Variants in MT3 observed in about 807,000 individuals in gnomAD.
MT3 encodes metallothionein 3, also known as metallothionein-3.
A neutral mutation model predicts 10.9 loss-of-function variants in MT3; 8 were observed. The observed-to-expected ratio is 0.73, with a 90% CI of 0.43 to 1.33. The LOEUF (loss-of-function observed/expected upper bound fraction) is 1.33, where lower values mean the gene tolerates loss of function less well. MT3 is among the 40% of genes most tolerant of loss of function. The pLI, the probability that MT3 is intolerant of heterozygous loss-of-function variation, is 0.01. For synonymous variants in MT3, 32 were observed against 29.9 expected (o/e 1.07, Z -0.23); for missense variants, 75 against 83.9 (o/e 0.89, Z 0.41).
chr16:56,591,052 C>G lies in MT3; in HGVS notation c.*103C>G. The G allele has an allele frequency of 1.1e-6, 1 of 908,284 alleles. No individual in the cohort carries two copies. The highest frequency in any genetic ancestry group is 1.4e-5 in the South Asian group (1 of 69,794). The allele number at this position is 908,284 out of a possible 1,614,324, so 56.3% of individuals were successfully genotyped here. A position where few individuals can be genotyped will look rare whatever the true frequency, so the allele number is the denominator to read the frequency against. Reference sequence around the variant, plus strand: ...GCTGGTGTCCCCTTCCCCTGCTGACCTTGGAGGAATGACAATAAATCCCAT... The same window carrying G: ...GCTGGTGTCCCCTTCCCCTGCTGACGTTGGAGGAATGACAATAAATCCCAT... On this transcript the variant is annotated 3_prime_UTR_variant, in exon 3 of 3. Coordinates refer to ENST00000200691, the MANE Select transcript of MT3 (RefSeq NM_005954.4).
chr16:56,590,886 CTG>C lies in MT3; in HGVS notation c.151_152del (p.Cys51GlnfsTer7). 6.2e-7 allele frequency: 1 copy of C among 1,614,064 alleles called. No homozygotes were observed. ...PAECEKCAKDCVCKGGEAAEA... is the reference protein window; with the variant it reads ...PAECEKCAKDXVCKGGEAAEA... ...CGGAGTGTGAGAAGTGTGCCAAGGA[CTG>C]TGTGTGCAAAGGCGGAGAGGCAGCT... On this transcript the variant is annotated frameshift_variant, in exon 3 of 3. Transcript: ENST00000200691. LOFTEE classifies it high-confidence loss of function.
At chr16:56,590,033 C>A in intron 2 of MT3, 98 bp downstream of exon 2, 2 of 1,340,508 alleles carry the variant, frequency 1.5e-6, no homozygotes, top group Non-Finnish European at 2.1e-6. Context: ...AGGCCCCGAT[C>A]CCGTGGTTTC....
rs1959804034 is a variant in MT3, at chr16:56,590,058, A to G, written c.97+123A>G. ...CCCGTGGTTTCTGACTCTTGCTGGA[A>G]TAGAACCACCCGGGCAGACATTAAA... On this transcript the variant is annotated intron_variant, in intron 2 of 2. Transcript: ENST00000200691. 1.3e-5 allele frequency: 13 copies of G among 1,000,214 alleles called. No homozygotes were observed. In the East Asian group the frequency reaches 3.3e-4, roughly 25 times the overall value. The allele number at this position is 1,000,214 out of a possible 1,614,324, so 62.0% of individuals were successfully genotyped here.
rs576866408 is a variant in MT3, at chr16:56,589,994, C to T, written c.97+59C>T. ...CCCCTCTGCTCTGCGGAGTCGGTGTCTCACCACGCAGGATGTGGAGAGACA... is the reference window on the plus strand; with the variant it reads ...CCCCTCTGCTCTGCGGAGTCGGTGTTTCACCACGCAGGATGTGGAGAGACA... On this transcript the variant is annotated intron_variant, in intron 2 of 2. Transcript: ENST00000200691. 7.0e-6 allele frequency: 11 copies of T among 1,576,820 alleles called. No homozygotes were observed. In the East Asian group the frequency reaches 2.5e-4, roughly 35 times the overall value.
At position 56,589,732 on chromosome 16, in the gene MT3, C is replaced by A. The variant is rs45439897; in HGVS notation, c.31+111C>A. 5.3e-3 allele frequency: 8,456 copies of A among 1,582,770 alleles called. 181 individuals are homozygous for A. In the African/African-American group the frequency reaches 0.069, roughly 13 times the overall value. ...ACACTTGGGGGAAGGGCCCCTGATTCCCTATTCTTCACCTCGTGAAGGGCG... is the reference window on the plus strand; with the variant it reads ...ACACTTGGGGGAAGGGCCCCTGATTACCTATTCTTCACCTCGTGAAGGGCG... On this transcript the variant is annotated intron_variant, in intron 1 of 2. Transcript: ENST00000200691.
intron 2 of MT3, 51 bp from the exon 3 acceptor site, chr16:56,590,789 G>A (rs770816959): frequency 3.2e-6 from 5 of 1,566,456 alleles, no homozygotes; most frequent in Admixed American, 1.8e-5. Flanking sequence ...TGATGGGGAC[G>A]AATTGGGGGA....
chr16:56,590,517 T>A (rs1214859140), intron 2 of MT3: 1 of 432,688 alleles, frequency 2.3e-6, no homozygotes, highest in Non-Finnish European at 4.2e-6. Flanking sequence ...CCTTTCAAGG[T>A]CGTTTACCCT....
At chr16:56,590,620 G>C in intron 2 of MT3, 1 of 572,406 alleles carries the variant, frequency 1.7e-6, no homozygotes, top group Non-Finnish European at 3.1e-6. Flanking sequence ...AAGGGGCTCT[G>C]GTCATTTCCT....
chr16:56,590,834 C>A lies in MT3; in HGVS notation c.98-6C>A, dbSNP rs751984655. 1.2e-6 allele frequency: 2 copies of A among 1,612,862 alleles called. No individual in the cohort carries two copies. Among genetic ancestry groups the A allele is most frequent in the Non-Finnish European group, 1.7e-6 (2 of 1,179,442 alleles). ...AGAGAGTGGTCATCTTCCATTTTAT[C>A]TGCAGGCTGCTGCTCCTGCTGCCCT... On this transcript the variant is annotated splice_region_variant and splice_polypyrimidine_tract_variant and intron_variant, in intron 2 of 2. Transcript: ENST00000200691.
chr16:56,590,349 C>T (rs1162651753), intron 2 of MT3: 14 of 575,954 alleles, frequency 2.4e-5, no homozygotes, highest in South Asian at 2.1e-4. Context: ...CCCCAGCTCA[C>T]GGCAGTGTAA....
rs536513187 is a variant in MT3 at position 56,589,910 on chromosome 16, A to T, written c.72A>T (p.Gly24=). ...GCGCGGACTCCTGCAAGTGCGAGGGATGCAAATGCACCTCCTGCAAGAAGA... is the reference window on the plus strand; with the variant it reads ...GCGCGGACTCCTGCAAGTGCGAGGGTTGCAAATGCACCTCCTGCAAGAAGA... ...CTCADSCKCE[G]CKCTSCKKSC... Residue 24 remains glycine, a synonymous_variant, in exon 2 of 3, where the codon GGA becomes GGT. Transcript: ENST00000200691. The T allele has an allele frequency of 9.9e-6, 16 of 1,614,024 alleles. No individual in the cohort carries two copies. The African/African-American group carries it at 1.5e-4, about 15-fold the overall frequency.
Position 56,590,849 on chromosome 16 carries a change from C to T in MT3, c.107C>T (p.Ser36Phe). 6.2e-7 allele frequency: 1 copy of T among 1,613,814 alleles called. No individual in the cohort carries two copies. Among genetic ancestry groups the T allele is most frequent in the Non-Finnish European group, 8.5e-7 (1 of 1,179,912 alleles). Residue 36 changes from serine (S) to phenylalanine (F), a missense_variant, in exon 3 of 3, where the codon TCC becomes TTC. Transcript: ENST00000200691. ...TCCATTTTATCTGCAGGCTGCTGCT[C>T]CTGCTGCCCTGCGGAGTGTGAGAAG... ...KCTSCKKSCC[S>F]CCPAECEKCA...
At chr16:56,589,815 C>A (rs1450767088) in intron 1 of MT3, 55 bp from the exon 2 acceptor site, 2 of 1,598,640 alleles carry the variant, frequency 1.3e-6, no homozygotes, top group Admixed American at 3.3e-5. Flanking sequence ...TCGTGACAGG[C>A]GTGGGGACCC....
rs771506813 is a variant in MT3, at chr16:56,590,871, G to A, written c.129G>A (p.Glu43=). ...GCTCCTGCTGCCCTGCGGAGTGTGA[G>A]AAGTGTGCCAAGGACTGTGTGTGCA... ...SCCSCCPAEC[E]KCAKDCVCKG... The change falls in exon 3 of 3, where the codon GAG becomes GAA. Residue 43 remains glutamate (E), a synonymous_variant. Coordinates refer to ENST00000200691, the MANE Select transcript of MT3 (RefSeq NM_005954.4). 5.0e-6 allele frequency: 8 copies of A among 1,614,052 alleles called. No individual in the cohort carries two copies. Among genetic ancestry groups the A allele is most frequent in the East Asian group, 2.2e-5 (1 of 44,882 alleles).
intron 1 of MT3, 78 bp downstream of exon 1, chr16:56,589,699 G>C: frequency 6.3e-7 from 1 of 1,598,888 alleles, no homozygotes; most frequent in Non-Finnish European, 8.5e-7. Context: ...CTGCGCCTTC[G>C]CTCAAGGACA....
chr16:56,590,867 G>C lies in MT3; in HGVS notation c.125G>C (p.Cys42Ser). The change falls in exon 3 of 3, where the codon TGT becomes TCT. Residue 42 changes from cysteine (C) to serine (S), a missense_variant. Transcript: ENST00000200691. ...KSCCSCCPAE[C>S]EKCAKDCVCK... ...TGCTGCTCCTGCTGCCCTGCGGAGT[G>C]TGAGAAGTGTGCCAAGGACTGTGTG... is the stretch of plus-strand genomic sequence containing the variant. The C allele has an allele frequency of 6.2e-7, 1 of 1,614,094 alleles. No individual in the cohort carries two copies. Among genetic ancestry groups the C allele is most frequent in the Non-Finnish European group, 8.5e-7 (1 of 1,180,012 alleles).
At position 56,590,913 on chromosome 16, in the gene MT3, T is replaced by TGAGGCA; in HGVS notation, c.174_179dup (p.Ala61_Glu62dup). 1 of 1,613,990 alleles carries TGAGGCA rather than the reference T, an allele frequency of 6.2e-7. No individual in the cohort carries two copies. The highest frequency in any genetic ancestry group is 8.5e-7 in the Non-Finnish European group (1 of 1,179,998). ...GTGTGTGCAAAGGCGGAGAGGCAGC[T>TGAGGCA]GAGGCAGAAGCAGAGAAGTGCAGCT... is the stretch of plus-strand genomic sequence containing the variant. On this transcript the variant is annotated inframe_insertion, in exon 3 of 3. Coordinates refer to ENST00000200691, the MANE Select transcript of MT3 (RefSeq NM_005954.4).
In MT3 at chr16:56,589,905, G is replaced by T. The variant is rs1401658785; in HGVS notation, c.67G>T (p.Glu23Ter). 1.9e-6 allele frequency: 3 copies of T among 1,614,016 alleles called. No individual in the cohort carries two copies. Among genetic ancestry groups the T allele is most frequent in the Non-Finnish European group, 8.5e-7 (1 of 1,180,004 alleles). The change falls in exon 2 of 3, where the codon GAG (glutamate) becomes TAG (stop). Residue 23 changes from glutamate to a stop codon, truncating the protein, a stop_gained. Transcript: ENST00000200691. LOFTEE classifies it high-confidence loss of function. Reference protein sequence around the residue: ...SCTCADSCKCEGCKCTSCKKS... With the variant: ...SCTCADSCKC ...CACCTGCGCGGACTCCTGCAAGTGC[G>T]AGGGATGCAAATGCACCTCCTGCAA...
intron 2 of MT3, chr16:56,590,505 C>A (rs1198193306): frequency 2.3e-5 from 10 of 430,228 alleles, no homozygotes; most frequent in Non-Finnish European, 4.2e-5. Flanking sequence ...TCCTTTGAGG[C>A]CCCTTTCAAG....
Sources: allele counts gnomAD v4.1 joint callset, GRCh38; gene constraint gnomAD v4.1.1; transcripts MANE v1.5; gene names NCBI Gene and HGNC (gene_info 2026-07-23, HGNC 2026-07-21).